INTS6: variants seen among roughly 807,000 people sequenced by gnomAD.
INTS6 encodes the protein DEAD box protein.
A neutral mutation model predicts 104.9 loss-of-function variants in INTS6; 16 were observed. The ratio of observed to expected loss-of-function variants is 0.15; its 90% CI spans 0.10 to 0.23. The LOEUF is 0.23. INTS6 is among the 10% of genes least tolerant of loss of function. INTS6 has a pLI of 1.00. For missense variants in INTS6, 584 were observed against 1,062.8 expected, an observed-to-expected ratio of 0.55 and a Z score of 6.26; for synonymous variants, 324 against 358.7, an observed-to-expected ratio of 0.90 and a Z score of 1.09.
intron 5 of INTS6, among the ~76,000 whole-genome samples, chr13:51,395,011 G>C (rs1335766323): frequency 1.3e-5 from 2 of 152,064 alleles, no homozygotes; most frequent in African/African-American, 4.8e-5. Context: ...TAAATCATTG[G>C]CAATCTTTGT....
intron 4 of INTS6, among the ~76,000 whole-genome samples, chr13:51,424,825 T>C (rs745982787): frequency 1.1e-4 from 16 of 152,176 alleles, no homozygotes; most frequent in Non-Finnish European, 2.2e-4. Flanking sequence ...TAAAATGTTT[T>C]ATATTTTCTA....
intron 4 of INTS6, among the ~76,000 whole-genome samples, chr13:51,415,846 C>A (rs894116730): frequency 3.2e-4 from 48 of 152,106 alleles, no homozygotes; most frequent in Admixed American, 6.6e-5. Context: ...ATGAAATTGT[C>A]CAAGAGTATG....
intron 16 of INTS6, 48 bp from the exon 17 acceptor site, chr13:51,367,946 A>G: frequency 1.0e-6 from 1 of 968,452 alleles, no homozygotes; most frequent in Non-Finnish European, 1.6e-6. Flanking sequence ...TTTCATTTGT[A>G]TTCTTATTCA....
intron 3 of INTS6, chr13:51,437,745 C>G (rs1157688572): frequency 6.6e-6 from 1 of 152,256 alleles, no homozygotes; most frequent in Non-Finnish European, 1.5e-5. Flanking sequence ...CGTGATGGCT[C>G]ACACCTGTAA....
chr13:51,440,861 T>G (rs1419646648), intron 3 of INTS6: 5 of 152,228 alleles, frequency 3.3e-5, no homozygotes, highest in Non-Finnish European at 7.3e-5. Context: ...TCTCAGAACC[T>G]ATCTCCATTG....
chr13:51,418,746 C>A (rs1416039203), intron 4 of INTS6, among the ~76,000 whole-genome samples: 1 of 152,142 alleles, frequency 6.6e-6, no homozygotes. Flanking sequence ...ACTTGACAAC[C>A]TGCAATACTG....
At chr13:51,417,947 G>GA (rs1211211574) in intron 4 of INTS6, among the ~76,000 whole-genome samples, 2 of 152,006 alleles carry the variant, frequency 1.3e-5, no homozygotes, top group African/African-American at 2.4e-5. Context: ...CAATGGACCT[G>GA]AAAAAATAAA....
At chr13:51,408,937 T>A (rs1332665991) in intron 4 of INTS6, among the ~76,000 whole-genome samples, 5 of 152,130 alleles carry the variant, frequency 3.3e-5, no homozygotes, top group Non-Finnish European at 7.4e-5. Context: ...TGCATAAAAA[T>A]TTTTCCAACT....
chr13:51,430,168 GAC>G, intron 4 of INTS6, 124 bp downstream of exon 4: 1 of 732,014 alleles, frequency 1.4e-6, no homozygotes, highest in Non-Finnish European at 2.3e-6. Context: ...GGCCATAGGA[GAC>G]AGATGACTCT....
intron 12 of INTS6, 102 bp from the exon 13 acceptor site, chr13:51,376,276 A>G (rs1333008454): frequency 5.9e-6 from 5 of 850,068 alleles, no homozygotes; most frequent in Admixed American, 6.8e-5. Context: ...AGATATATAA[A>G]CTGGTTAGCT....
Position 51,453,026 on chromosome 13 carries a change from G to C in INTS6, c.-501C>G, listed in dbSNP as rs1953100930. On this transcript the variant is annotated 5_prime_UTR_variant, in exon 1 of 18. Coordinates refer to ENST00000311234, the MANE Select transcript of INTS6 (RefSeq NM_012141.3). The stretch of plus-strand genomic sequence containing the variant: ...TGTCACCACTTTCTCAGCCCCTCTC[G>C]CTACTGAAGCGCTTTTCTCTCTCAC... The C allele has an allele frequency of 3.0e-6, 3 of 1,009,792 alleles. No homozygotes were observed. Among genetic ancestry groups the C allele is most frequent in the Non-Finnish European group, 2.4e-6 (2 of 845,182 alleles). 62.6% of individuals were successfully genotyped at this position (1,009,792 alleles called of 1,614,324 possible). A position where few individuals can be genotyped will look rare whatever the true frequency, so the allele number is the denominator to read the frequency against.
intron 4 of INTS6, among the ~76,000 whole-genome samples, chr13:51,398,403 A>G (rs1477381972): frequency 6.6e-6 from 1 of 152,194 alleles, no homozygotes; most frequent in Non-Finnish European, 1.5e-5. Flanking sequence ...AAAAATGGGC[A>G]ATAGATAAGG....
intron 3 of INTS6, chr13:51,446,350 A>C (rs1426334367): frequency 6.6e-6 from 1 of 152,270 alleles, no homozygotes; most frequent in Non-Finnish European, 1.5e-5. Flanking sequence ...TAAAAACCAC[A>C]ATGAGATACG....
intron 3 of INTS6, chr13:51,444,314 A>C (rs1450986991): frequency 8.2e-6 from 1 of 121,598 alleles, no homozygotes; most frequent in Non-Finnish European, 1.6e-5. Flanking sequence ...CACATTGTCT[A>C]GGCTGGTCTC....
At position 51,383,528 on chromosome 13, in the gene INTS6, T is replaced by A. The variant is rs958704105; in HGVS notation, c.1047+61A>T. On this transcript the variant is annotated intron_variant, in intron 8 of 17. Coordinates refer to ENST00000311234, the MANE Select transcript of INTS6 (RefSeq NM_012141.3). Reference sequence around the variant, plus strand: ...AATGTTACATAAACCATTGATTCAATTCAGCTTTTTAAGAAATGCCTCATT... The same window carrying A: ...AATGTTACATAAACCATTGATTCAAATCAGCTTTTTAAGAAATGCCTCATT... The A allele has an allele frequency of 1.4e-5, 22 of 1,604,272 alleles. No individual in the cohort carries two copies. The African/African-American group carries it at 1.7e-4, about 13-fold the overall frequency.
intron 4 of INTS6, 125 bp from the exon 5 acceptor site, chr13:51,395,608 A>G (rs1956320948): frequency 5.0e-6 from 4 of 797,274 alleles, no homozygotes; most frequent in Non-Finnish European, 7.6e-6. Flanking sequence ...AAGCTCAAAT[A>G]TAAAAGCTTA....
rs544443804 is a variant in INTS6 at position 51,383,203 on chromosome 13, T to G, written c.1180+126A>C. 4 of 770,550 alleles carry G rather than the reference T, an allele frequency of 5.2e-6. No individual in the cohort carries two copies. The South Asian group carries it at 1.1e-4, about 20-fold the overall frequency. The allele number at this position is 770,550 out of a possible 1,614,324, so 47.7% of individuals were successfully genotyped here. ...AGATTGTTATATTTTCTTAAAGATG[T>G]TCAACATTTTAGAATATTCAAAATA... On this transcript the variant is annotated intron_variant, in intron 9 of 17. Coordinates refer to ENST00000311234, the MANE Select transcript of INTS6 (RefSeq NM_012141.3).
At chr13:51,441,252 A>G (rs1385654470) in intron 3 of INTS6, 1 of 152,220 alleles carries the variant, frequency 6.6e-6, no homozygotes, top group Admixed American at 6.5e-5. Context: ...GCAAGATTAA[A>G]AAAACCTCTA....
intron 4 of INTS6, among the ~76,000 whole-genome samples, chr13:51,416,573 G>C (rs1956790979): frequency 6.6e-6 from 1 of 152,172 alleles, no homozygotes; most frequent in Non-Finnish European, 1.5e-5. Flanking sequence ...TTTTAAGGCT[G>C]AATAATATTC....
Sources: allele counts gnomAD v4.1 joint callset (sites outside exome capture counted in the v4.1 genomes callset), GRCh38; gene constraint gnomAD v4.1.1; transcripts MANE v1.5; gene names NCBI Gene and HGNC (gene_info 2026-07-23, HGNC 2026-07-21).